Variants in MLXIP observed in about 807,000 individuals in gnomAD.
MLXIP encodes MLX-interacting protein.
A neutral mutation model predicts 87.2 loss-of-function variants in MLXIP; 30 were observed. The ratio of observed to expected loss-of-function variants is 0.34; its 90% CI spans 0.26 to 0.47. The LOEUF (loss-of-function observed/expected upper bound fraction) is 0.47, where lower values mean the gene tolerates loss of function less well. Among genes scored for constraint, MLXIP ranks in the 20% least tolerant of loss-of-function variants. The pLI is 1.00. For synonymous variants in MLXIP, 530 were observed against 514.0 expected, an observed-to-expected ratio of 1.03 and a Z score of -0.42; for missense variants, 1,002 against 1,240.1, an observed-to-expected ratio of 0.81 and a Z score of 2.88.
chr12:122,099,245 AAAACCAAAAC>A (rs1189713811), intron 1 of MLXIP, among the ~76,000 whole-genome samples: 12 of 152,246 alleles, frequency 7.9e-5, no homozygotes, highest in African/African-American at 2.9e-4. Context: ...TGTCTCCAAA[AAAACCAAAAC>A]AAACCAAAAC....
chr12:122,078,885 G>A lies in MLXIP; in HGVS notation c.32G>A (p.Arg11His), dbSNP rs1396879950. 2.6e-6 allele frequency: 3 copies of A among 1,133,390 alleles called. No individual in the cohort carries two copies. Among genetic ancestry groups the A allele is most frequent in the East Asian group, 5.5e-5 (1 of 18,174 alleles). The allele number at this position is 1,133,390 out of a possible 1,614,324, so 70.2% of individuals were successfully genotyped here. A position where few individuals can be genotyped will look rare whatever the true frequency, so the allele number is the denominator to read the frequency against. Residue 11 changes from arginine (R) to histidine (H), a missense_variant, in exon 1 of 17, where the codon CGC becomes CAC. Around this residue, in one of 3 missense-constraint regions of MLXIP, gnomAD observed 129 missense variants for 104.2 expected, o/e 1.24. Transcript: ENST00000319080. ...GCCGACGTCTTCATGTGCTCCCCGC[G>A]CCGGCCTCGCAGCCGGGGCCGCCAG... MAADVFMCSP[R>H]RPRSRGRQVL...
intron 1 of MLXIP, among the ~76,000 whole-genome samples, chr12:122,085,841 T>C (rs142442718): frequency 0.012 from 1,827 of 152,206 alleles, 28 homozygotes; most frequent in African/African-American, 0.042. Context: ...CCCCCGAAGA[T>C]GTGCACATCC....
Position 122,127,894 on chromosome 12 carries a change from C to T in MLXIP, c.532C>T (p.Arg178Cys), listed in dbSNP as rs947954633. The T allele has an allele frequency of 4.3e-6, 7 of 1,613,596 alleles. No homozygotes were observed. The highest frequency in any genetic ancestry group is 1.7e-5 in the Admixed American group (1 of 59,994). ...CTCTCTCTGCTCAGATCTGGAGAAG[C>T]GCAAGAATCCTGTGTGCCACTTTGT... ...RAWYMQYLEK[R>C]KNPVCHFVTP... Residue 178 changes from arginine to cysteine, a missense_variant, in exon 3 of 17, where the codon CGC becomes TGC. Physicochemically the swap from Arg to Cys is radical, Grantham distance 180. Transcript: ENST00000319080.
At chr12:122,083,935 G>A (rs1239532500) in intron 1 of MLXIP, among the ~76,000 whole-genome samples, 1 of 152,166 alleles carries the variant, frequency 6.6e-6, no homozygotes, top group Non-Finnish European at 1.5e-5. Context: ...TTCTTCTCCT[G>A]CGTTCTTCAG....
chr12:122,103,818 T>A (rs1312244870), intron 1 of MLXIP, among the ~76,000 whole-genome samples: 1 of 148,900 alleles, frequency 6.7e-6, no homozygotes, highest in Non-Finnish European at 1.5e-5. Flanking sequence ...TGTGAGCCAC[T>A]GTGCCCGGCC....
chr12:122,088,314 G>A (rs992275786), intron 1 of MLXIP, among the ~76,000 whole-genome samples: 1 of 152,168 alleles, frequency 6.6e-6, no homozygotes, highest in Admixed American at 6.6e-5. Flanking sequence ...AATACTGTCT[G>A]CTTTGAATAC....
intron 1 of MLXIP, among the ~76,000 whole-genome samples, chr12:122,115,536 G>C (rs28580546): frequency 0.52 from 73,322 of 141,414 alleles, 18,950 homozygotes; most frequent in Middle Eastern, 0.66. Flanking sequence ...TGCAGTGAGT[G>C]AAGATCGCAC....
Position 122,130,071 on chromosome 12 carries a change from C to A in MLXIP, c.869C>A (p.Ser290Tyr). The A allele has an allele frequency of 6.2e-7, 1 of 1,613,980 alleles. No individual in the cohort carries two copies. Among genetic ancestry groups the A allele is most frequent in the Non-Finnish European group, 8.5e-7 (1 of 1,179,874 alleles). The part of the protein sequence containing the change: ...EFSDTLFSTL[S>Y]SHQPVAWPNP... The stretch of plus-strand genomic sequence containing the variant: ...AGCGACACCCTCTTCTCCACACTTT[C>A]TTCACACCAGCCGGTGGCCTGGCCC... Residue 290 changes from serine to tyrosine, a missense_variant, in exon 6 of 17, where the codon TCT becomes TAT. Ser to Tyr is a moderately radical substitution (Grantham distance 144). Coordinates refer to ENST00000319080, the MANE Select transcript of MLXIP (RefSeq NM_014938.6).
At chr12:122,132,073 G>T (rs1952990820) in intron 7 of MLXIP, among the ~76,000 whole-genome samples, 1 of 151,904 alleles carries the variant, frequency 6.6e-6, no homozygotes, top group African/African-American at 2.4e-5. Context: ...ACAGGCATGT[G>T]CCACTACACC....
chr12:122,127,198 A>T, intron 1 of MLXIP, 58 bp from the exon 2 acceptor site: 1 of 1,362,180 alleles, frequency 7.3e-7, no homozygotes, highest in Non-Finnish European at 1.0e-6. Context: ...GGCACTTTGT[A>T]ATTTCACTTC....
chr12:122,124,170 C>T (rs1282006374), intron 1 of MLXIP, among the ~76,000 whole-genome samples: 5 of 137,914 alleles, frequency 3.6e-5, no homozygotes, highest in East Asian at 2.2e-4. Context: ...CACCCTCAGC[C>T]GTCCCCCGCC....
intron 1 of MLXIP, among the ~76,000 whole-genome samples, chr12:122,101,953 G>C (rs1952445183): frequency 1.3e-5 from 2 of 152,098 alleles, no homozygotes; most frequent in South Asian, 2.1e-4. Context: ...ATTTGTATAT[G>C]GTGTGAGGTA....
Position 122,078,789 on chromosome 12 carries a change from C to A in MLXIP, c.-65C>A, listed in dbSNP as rs564856093. 2.9e-6 allele frequency: 3 copies of A among 1,025,914 alleles called. No individual in the cohort carries two copies. Among genetic ancestry groups the A allele is most frequent in the African/African-American group, 1.7e-5 (1 of 57,240 alleles). The allele number at this position is 1,025,914 out of a possible 1,614,324, so 63.6% of individuals were successfully genotyped here. ...CGCGGGCCGGGCCGGGCCGGCGCCC[C>A]TCTGCCTCGCGCGCTTGTCGCGTTG... is the stretch of plus-strand genomic sequence containing the variant. On this transcript the variant is annotated 5_prime_UTR_variant, in exon 1 of 17. Coordinates refer to ENST00000319080, the MANE Select transcript of MLXIP (RefSeq NM_014938.6).
In MLXIP at chr12:122,133,244, T is replaced by C. The variant is rs1953012066; in HGVS notation, c.1093-104T>C. ...CGTGGAGACGTGGCCTTTGTCCCTC[T>C]GTCCCAGCGCCCGGCCTGTGTAGTT... On this transcript the variant is annotated intron_variant, in intron 8 of 16. Coordinates refer to ENST00000319080, the MANE Select transcript of MLXIP (RefSeq NM_014938.6). This position sits in a 1 kb window ranked among gnomAD's most constrained non-coding sequence, Gnocchi z 4.9. 4 of 1,368,132 alleles carry C rather than the reference T, an allele frequency of 2.9e-6. No homozygotes were observed. Among genetic ancestry groups the C allele is most frequent in the Non-Finnish European group, 3.9e-6 (4 of 1,019,774 alleles). The allele number at this position is 1,368,132 out of a possible 1,614,324, so 84.7% of individuals were successfully genotyped here. A position where few individuals can be genotyped will look rare whatever the true frequency, so the allele number is the denominator to read the frequency against.
intron 1 of MLXIP, among the ~76,000 whole-genome samples, chr12:122,122,355 C>T (rs1374160424): frequency 1.3e-5 from 2 of 151,858 alleles, no homozygotes; most frequent in African/African-American, 2.4e-5. Flanking sequence ...CTGCAGGCTC[C>T]CTTGTGGGCT....
chr12:122,138,393 T>C (rs780531925), intron 13 of MLXIP, 31 bp from the exon 14 acceptor site: 1 of 1,607,560 alleles, frequency 6.2e-7, no homozygotes, highest in Non-Finnish European at 8.5e-7. Context: ...TGGCTGTGGG[T>C]GCTGCCTCCA....
rs1176844986 is a variant in MLXIP, at chr12:122,146,800, G to C, written c.*4988G>C. On this transcript the variant is annotated 3_prime_UTR_variant, in exon 17 of 17. Coordinates refer to ENST00000319080, the MANE Select transcript of MLXIP (RefSeq NM_014938.6). ...GGACTCTCTTCTGCGTTTCCTAACA[G>C]TTATTTGGTGGTCTCAAGAGTTGAG... 6.6e-6 allele frequency: 1 copy of C among 152,170 alleles called. No individual in the cohort carries two copies. The highest frequency in any genetic ancestry group is 1.9e-4 in the East Asian group (1 of 5,192). The allele number at this position is 152,170 out of a possible 1,614,324, so 9.4% of individuals were successfully genotyped here.
At chr12:122,105,831 T>A (rs910764338) in intron 1 of MLXIP, among the ~76,000 whole-genome samples, 2 of 151,666 alleles carry the variant, frequency 1.3e-5, no homozygotes, top group Non-Finnish European at 2.9e-5. Flanking sequence ...CTTCTTTTCC[T>A]CCTCTCTCTC....
chr12:122,138,875 C>A lies in MLXIP; in HGVS notation c.2445C>A (p.His815Gln), dbSNP rs565971983. ...CCGTTACCCGGCGCCAGTTTGATCA[C>A]ATGAAAGACATGTTTGACGAATACG... ...GVPVTRRQFD[H>Q]MKDMFDEYVK... The change falls in exon 15 of 17, where the codon CAC becomes CAA. Residue 815 changes from histidine (H) to glutamine (Q), a missense_variant. This residue lies in a region of MLXIP where 746 missense variants were observed against 897.0 expected (regional missense o/e 0.83). Transcript: ENST00000319080. 1.6e-5 allele frequency: 26 copies of A among 1,614,080 alleles called. No individual in the cohort carries two copies. Among genetic ancestry groups the A allele is most frequent in the East Asian group, 8.9e-5 (4 of 44,888 alleles).
Sources: gnomAD v4.1 joint callset for allele counts (sites outside exome capture counted in the v4.1 genomes callset) on GRCh38, gnomAD v4.1.1 for gene constraint, gnomAD v4.1.1 regional missense constraint, Gnocchi (gnomAD v3.1) non-coding constraint, MANE v1.5 for transcripts, NCBI Gene and HGNC (gene_info 2026-07-23, HGNC 2026-07-21) for gene names.